The following FHAD1 variants were observed in gnomAD, a reference collection of about 807,000 sequenced individuals.
FHAD1 encodes the protein forkhead-associated domain-containing protein 1.
In FHAD1, 146 loss-of-function variants were observed where a neutral mutation model predicts 191.3. The ratio of observed to expected loss-of-function variants is 0.76; its 90% confidence interval spans 0.67 to 0.88. The LOEUF is 0.88. FHAD1 is among the 40% of genes least tolerant of loss of function. The pLI is 0.00. For synonymous variants in FHAD1, 616 were observed against 672.3 expected (o/e 0.92, Z 1.29); for missense variants, 1,635 against 1,785.8 (o/e 0.92, Z 1.52).
intron 3 of FHAD1, among the ~76,000 whole-genome samples, chr1:15,284,594 C>T (rs1418866752): frequency 1.3e-5 from 2 of 152,242 alleles, no homozygotes; most frequent in South Asian, 2.1e-4. Context: ...ATGCATGGGT[C>T]CTGTAGGACT....
Position 15,329,575 on chromosome 1 carries a change from G to T in FHAD1, c.1906+34G>T. ...GACTTTTTTTCTCACATGGTTGCAT[G>T]ACTCTAAAATGTCGCGTTGAATCTC... On this transcript the variant is annotated intron_variant, in intron 14 of 33. Coordinates refer to ENST00000688493, the MANE Select transcript of FHAD1 (RefSeq NM_001391957.1). The surrounding 1 kb of genome is among the most constrained non-coding windows in gnomAD (Gnocchi z 5.0). 1 of 1,537,924 alleles carries T rather than the reference G, an allele frequency of 6.5e-7. No homozygotes were observed. Among genetic ancestry groups the T allele is most frequent in the South Asian group, 1.2e-5 (1 of 83,744 alleles).
chr1:15,366,021 C>A, intron 24 of FHAD1, 88 bp downstream of exon 24: 1 of 902,734 alleles, frequency 1.1e-6, no homozygotes, highest in South Asian at 1.5e-5. Context: ...GGCGCAGTGG[C>A]GCACGCCTAT....
chr1:15,295,283 T>C (rs764354606), intron 4 of FHAD1, among the ~76,000 whole-genome samples: 5 of 152,194 alleles, frequency 3.3e-5, no homozygotes, highest in Admixed American at 6.6e-5. Context: ...TGTATTTTTA[T>C]TGTTGTATTG....
intron 12 of FHAD1, 79 bp from the exon 13 acceptor site, chr1:15,328,198 C>A: frequency 8.2e-7 from 1 of 1,215,520 alleles, no homozygotes; most frequent in Non-Finnish European, 1.1e-6. Context: ...CTCCCCTCTC[C>A]CATTCCCCTT....
At chr1:15,315,416 C>T (rs1199589346) in intron 8 of FHAD1, among the ~76,000 whole-genome samples, 1 of 151,772 alleles carries the variant, frequency 6.6e-6, no homozygotes. Context: ...GTCTTTAAAG[C>T]TCCATGACAT....
At chr1:15,259,396 C>T (rs1649917933) in intron 2 of FHAD1, among the ~76,000 whole-genome samples, 1 of 152,136 alleles carries the variant, frequency 6.6e-6, no homozygotes, top group South Asian at 2.1e-4. Flanking sequence ...AAATAACTTG[C>T]CCCAAATCAC....
At chr1:15,291,594 C>A (rs1448311374) in intron 4 of FHAD1, among the ~76,000 whole-genome samples, 2 of 152,212 alleles carry the variant, frequency 1.3e-5, no homozygotes, top group Admixed American at 6.5e-5. Flanking sequence ...AATTTATAAC[C>A]AATTACCCTA....
chr1:15,349,029 C>T lies in FHAD1; in HGVS notation c.2347-13C>T, dbSNP rs1194968726. Reference sequence around the variant, plus strand: ...TGTGCAGGCCACCAAGAGCACTGGTCGTTGATTTTCAGGTTTTGGAGAGCA... The same window carrying T: ...TGTGCAGGCCACCAAGAGCACTGGTTGTTGATTTTCAGGTTTTGGAGAGCA... On this transcript the variant is annotated splice_polypyrimidine_tract_variant and intron_variant, in intron 18 of 33. Transcript: ENST00000688493. 1.4e-5 allele frequency: 22 copies of T among 1,536,824 alleles called. No individual in the cohort carries two copies. The highest frequency in any genetic ancestry group is 2.4e-5 in the East Asian group (1 of 40,834).
chr1:15,393,426 A>ACATG (rs1704835984), intron 33 of FHAD1, among the ~76,000 whole-genome samples: 2 of 126,614 alleles, frequency 1.6e-5, no homozygotes, highest in African/African-American at 8.0e-5. Context: ...ACACACACAC[A>ACATG]CACGCACACA....
chr1:15,256,241 A>AG (rs1335670938), intron 2 of FHAD1, among the ~76,000 whole-genome samples: 5 of 152,148 alleles, frequency 3.3e-5, no homozygotes, highest in Admixed American at 2.6e-4. Flanking sequence ...CATGTGCATG[A>AG]GTGTGATTGT....
intron 16 of FHAD1, among the ~76,000 whole-genome samples, chr1:15,344,198 A>C (rs1042028843): frequency 6.6e-6 from 1 of 152,228 alleles, no homozygotes; most frequent in Non-Finnish European, 1.5e-5. Context: ...CTTGGACTTC[A>C]GTGCCAAGTG....
chr1:15,376,252 G>T (rs1570436589), intron 28 of FHAD1, among the ~76,000 whole-genome samples: 1 of 151,866 alleles, frequency 6.6e-6, no homozygotes, highest in South Asian at 2.1e-4. Flanking sequence ...ACCACACCCG[G>T]CTAATTTTTT....
chr1:15,362,861 T>C, intron 23 of FHAD1, 135 bp downstream of exon 23: 2 of 683,098 alleles, frequency 2.9e-6, no homozygotes. Context: ...GCCTTCCCAG[T>C]GCTGCTTCCA....
rs542659666 is a variant in FHAD1, at chr1:15,371,251, G to A, written c.3447+1749G>A. On this transcript the variant is annotated intron_variant, in intron 26 of 33. Coordinates refer to ENST00000688493, the MANE Select transcript of FHAD1 (RefSeq NM_001391957.1). ...GATAGGAGAAGACGCACAGGGTCCC[G>A]CCCACACCAAACGCCCTTGGACTCT... 5.9e-5 allele frequency among the ~76,000 whole-genome samples: 9 copies of A among 152,282 alleles called. No homozygotes were observed. In the East Asian group the frequency reaches 9.6e-4, roughly 16 times the overall value.
At chr1:15,320,517 A>G (rs985373121) in intron 10 of FHAD1, among the ~76,000 whole-genome samples, 2 of 152,126 alleles carry the variant, frequency 1.3e-5, no homozygotes, top group African/African-American at 4.8e-5. Flanking sequence ...TTTGCTTTAT[A>G]TATTTTGAAG....
chr1:15,296,839 A>C (rs1398655788), intron 5 of FHAD1, 46 bp downstream of exon 5: 1 of 1,451,952 alleles, frequency 6.9e-7, no homozygotes, highest in African/African-American at 1.7e-5. Flanking sequence ...CAGCAAGCGC[A>C]CTGCAAAGGG....
chr1:15,286,143 A>G (rs1376374908), intron 3 of FHAD1, among the ~76,000 whole-genome samples: 2 of 152,230 alleles, frequency 1.3e-5, no homozygotes, highest in African/African-American at 2.4e-5. Context: ...ACTATACTTA[A>G]AAATACTGAA....
intron 1 of FHAD1, among the ~76,000 whole-genome samples, chr1:15,237,332 G>A (rs1180321256): frequency 6.6e-6 from 1 of 152,118 alleles, no homozygotes; most frequent in Non-Finnish European, 1.5e-5. Context: ...TCTGTCCCAC[G>A]GTTGCGTAGC....
At position 15,289,655 on chromosome 1, in the gene FHAD1, T is replaced by G. The variant is rs753556532; in HGVS notation, c.557T>G (p.Val186Gly). The G allele has an allele frequency of 6.5e-7, 1 of 1,547,986 alleles. No homozygotes were observed. The highest frequency in any genetic ancestry group is 1.4e-5 in the African/African-American group (1 of 72,992). Residue 186 changes from valine (V) to glycine (G), a missense_variant, in exon 4 of 34, where the codon GTC (valine) becomes GGC (glycine). Val to Gly is a moderately radical substitution (Grantham distance 109). Coordinates refer to ENST00000688493, the MANE Select transcript of FHAD1 (RefSeq NM_001391957.1). This position sits in a 1 kb window ranked among gnomAD's most constrained non-coding sequence, Gnocchi z 4.2. ...GTGGACGACGCCCGCAAGCCACCCG[T>G]CATCAAGCAAGGTATGCGTCAGGGC... ...FVVDDARKPP[V>G]IKQVWTNAMK...
Sources: gnomAD v4.1 joint callset for allele counts (sites outside exome capture counted in the v4.1 genomes callset) on GRCh38, gnomAD v4.1.1 for gene constraint, Gnocchi (gnomAD v3.1) non-coding constraint, MANE v1.5 for transcripts, NCBI Gene and HGNC (gene_info 2026-07-23, HGNC 2026-07-21) for gene names.